The following PDE11A variants were observed in gnomAD, a reference collection of about 807,000 sequenced individuals.
PDE11A encodes dual 3',5'-cyclic-AMP and -GMP phosphodiesterase 11A.
In PDE11A, 100 loss-of-function variants were observed where a neutral mutation model predicts 100.5. The ratio of observed to expected loss-of-function variants is 1.00; its 90% CI spans 0.85 to 1.18. The LOEUF (loss-of-function observed/expected upper bound fraction) is 1.18, where lower values mean the gene tolerates loss of function less well. PDE11A is among the 50% of genes most tolerant of loss of function. The pLI, the probability that PDE11A is intolerant of heterozygous loss-of-function variation, is 0.00. For synonymous variants in PDE11A, 381 were observed against 420.8 expected, an observed-to-expected ratio of 0.91 and a Z score of 1.16; for missense variants, 1,141 against 1,152.6, an observed-to-expected ratio of 0.99 and a Z score of 0.15.
chr2:178,031,372 G>A (rs2086545422), intron 1 of PDE11A, among the ~76,000 whole-genome samples: 1 of 152,110 alleles, frequency 6.6e-6, no homozygotes, highest in Admixed American at 6.6e-5. Context: ...GTAAAGGATT[G>A]TAAAGAAAGA....
At chr2:178,092,828 C>G (rs1190520169) in intron 2 of PDE11A, 1 of 152,262 alleles carries the variant, frequency 6.6e-6, no homozygotes, top group African/African-American at 2.4e-5. Context: ...TCTTGAACTC[C>G]TAACCTCAGG....
At chr2:177,718,868 G>C (rs1462981140) in intron 12 of PDE11A, among the ~76,000 whole-genome samples, 1 of 152,098 alleles carries the variant, frequency 6.6e-6, no homozygotes, top group Non-Finnish European at 1.5e-5. Flanking sequence ...AAATGAAATA[G>C]TGATATTCTA....
intron 1 of PDE11A, among the ~76,000 whole-genome samples, chr2:178,038,377 C>A (rs2086643158): frequency 1.3e-5 from 2 of 151,462 alleles, no homozygotes; most frequent in South Asian, 4.2e-4. Context: ...TCTAAATCAG[C>A]CATGCAGTAT....
chr2:178,053,341 T>A (rs528067100), intron 1 of PDE11A, among the ~76,000 whole-genome samples: 18 of 152,292 alleles, frequency 1.2e-4, no homozygotes, highest in Non-Finnish European at 2.4e-4. Context: ...TCTCAATAAA[T>A]AAGGTATTGA....
intron 10 of PDE11A, among the ~76,000 whole-genome samples, chr2:177,766,103 G>A (rs765988884): frequency 1.6e-4 from 24 of 152,022 alleles, no homozygotes; most frequent in Non-Finnish European, 2.4e-4. Context: ...GCTTTTTGGC[G>A]CCAGGGACCA....
intron 6 of PDE11A, among the ~76,000 whole-genome samples, chr2:177,828,150 A>C (rs2083256400): frequency 6.6e-6 from 1 of 152,220 alleles, no homozygotes; most frequent in Non-Finnish European, 1.5e-5. Flanking sequence ...TGAACACATG[A>C]AAAATTTAAA....
intron 6 of PDE11A, among the ~76,000 whole-genome samples, chr2:177,822,092 T>A (rs1418159654): frequency 6.6e-6 from 1 of 151,876 alleles, no homozygotes; most frequent in South Asian, 2.1e-4. Flanking sequence ...CCTAATATGA[T>A]ATAGGCAAAT....
intron 2 of PDE11A, among the ~76,000 whole-genome samples, chr2:178,014,073 A>G (rs1450355536): frequency 2.0e-5 from 3 of 152,208 alleles, no homozygotes; most frequent in Admixed American, 1.3e-4. Flanking sequence ...ACCGAGGCTT[A>G]TAATGAAAAG....
At chr2:177,802,145 T>A (rs1187328821) in intron 9 of PDE11A, among the ~76,000 whole-genome samples, 1 of 151,998 alleles carries the variant, frequency 6.6e-6, no homozygotes, top group Non-Finnish European at 1.5e-5. Flanking sequence ...AAATGAAAAT[T>A]AAAGCCACAA....
At chr2:177,631,424 T>C (rs2105431258) in intron 19 of PDE11A, among the ~76,000 whole-genome samples, 1 of 130,716 alleles carries the variant, frequency 7.7e-6, no homozygotes, top group East Asian at 2.2e-4. Context: ...GAAGTTGCAG[T>C]GGGCTGAGAT....
At chr2:178,010,462 T>C (rs2086262524) in intron 2 of PDE11A, among the ~76,000 whole-genome samples, 1 of 152,198 alleles carries the variant, frequency 6.6e-6, no homozygotes, top group Non-Finnish European at 1.5e-5. Flanking sequence ...ACTGCTACCA[T>C]TGTAAATGGG....
At chr2:177,982,279 C>T (rs1487023791) in intron 2 of PDE11A, among the ~76,000 whole-genome samples, 1 of 150,500 alleles carries the variant, frequency 6.6e-6, no homozygotes, top group East Asian at 1.9e-4. Context: ...CTGATTGTAA[C>T]TCCACTCTCA....
At chr2:178,027,343 A>G (rs2086490571) in intron 1 of PDE11A, among the ~76,000 whole-genome samples, 1 of 152,286 alleles carries the variant, frequency 6.6e-6, no homozygotes, top group African/African-American at 2.4e-5. Context: ...TTACATGAAG[A>G]AAAGTGGTTT....
At position 177,992,216 on chromosome 2, in the gene PDE11A, A is replaced by G. The variant is rs940010462; in HGVS notation, c.1071+22086T>C. Among the ~76,000 whole-genome samples the G allele has an allele frequency of 2.6e-5, 4 of 151,436 alleles. No homozygotes were observed. In the Admixed American group the frequency reaches 2.6e-4, roughly 10 times the overall value. Reference sequence around the variant, plus strand: ...GAACCCAGCATTATATCAAAATAATACACTACCACCAAACAGGATTCATCT... The same window carrying G: ...GAACCCAGCATTATATCAAAATAATGCACTACCACCAAACAGGATTCATCT... On this transcript the variant is annotated intron_variant, in intron 2 of 19. Coordinates refer to ENST00000286063, the MANE Select transcript of PDE11A (RefSeq NM_016953.4).
chr2:177,998,288 A>C, intron 2 of PDE11A: 1 of 827,246 alleles, frequency 1.2e-6, no homozygotes, highest in Non-Finnish European at 2.2e-6. Context: ...CATCTGGTAA[A>C]GTCTTAAGTT....
chr2:177,992,007 T>G (rs956342586), intron 2 of PDE11A, among the ~76,000 whole-genome samples: 5 of 151,310 alleles, frequency 3.3e-5, no homozygotes, highest in Admixed American at 6.6e-5. Context: ...TAATAATGCT[T>G]TGGGGGGAGT....
intron 2 of PDE11A, among the ~76,000 whole-genome samples, chr2:177,970,656 G>C (rs181520804): frequency 2.5e-4 from 38 of 152,232 alleles, no homozygotes; most frequent in African/African-American, 9.1e-4. Context: ...AATAAGCCTA[G>C]TGACCTAGGT....
intron 12 of PDE11A, among the ~76,000 whole-genome samples, chr2:177,717,819 G>T (rs543761201): frequency 1.3e-5 from 2 of 152,260 alleles, no homozygotes; most frequent in East Asian, 3.9e-4. Context: ...TTGATTCTCA[G>T]GGTCTCCTGG....
chr2:177,662,295 A>T (rs2080495623), intron 19 of PDE11A, among the ~76,000 whole-genome samples: 1 of 152,190 alleles, frequency 6.6e-6, no homozygotes, highest in Non-Finnish European at 1.5e-5. Context: ...TTCACTCCAA[A>T]ATAGCTTTGC....
Sources: allele counts gnomAD v4.1 joint callset (sites outside exome capture counted in the v4.1 genomes callset), GRCh38; gene constraint gnomAD v4.1.1; transcripts MANE v1.5; gene names NCBI Gene and HGNC (gene_info 2026-07-23, HGNC 2026-07-21).